Variants in DLG2 observed in about 807,000 individuals in gnomAD.
DLG2 encodes discs large MAGUK scaffold protein 2, also known as disks large homolog 2.
Under a neutral mutation model 132.5 loss-of-function variants are expected in DLG2, and 45 were observed. That is an observed-to-expected ratio of 0.34 (90% CI 0.27 to 0.44). DLG2 has a LOEUF of 0.44. Ranked by LOEUF, DLG2 falls within the 20% of genes least tolerant of loss-of-function variation. The probability of loss-of-function intolerance (pLI) is 1.00; values close to 1 mark genes in which losing one functional copy is unlikely to be tolerated. For synonymous variants in DLG2, 424 were observed against 419.6 expected, an observed-to-expected ratio of 1.01 and a Z score of -0.13; for missense variants, 1,045 against 1,196.9, an observed-to-expected ratio of 0.87 and a Z score of 1.87.
intron 11 of DLG2, among the ~76,000 whole-genome samples, chr11:84,050,160 T>G (rs551384910): frequency 0.012 from 1,855 of 151,450 alleles, 33 homozygotes; most frequent in African/African-American, 0.042. Context: ...AGACTTTTTT[T>G]TTTTTTTTTT....
chr11:85,570,619 T>G (rs1419246144), intron 3 of DLG2, among the ~76,000 whole-genome samples: 4 of 152,308 alleles, frequency 2.6e-5, no homozygotes, highest in Non-Finnish European at 5.9e-5. Flanking sequence ...GTTAATGGTT[T>G]GCATCAAATT....
intron 10 of DLG2, among the ~76,000 whole-genome samples, chr11:84,097,537 C>A (rs1325595363): frequency 1.3e-5 from 2 of 152,282 alleles, no homozygotes; most frequent in Admixed American, 1.3e-4. Context: ...CAATAACTCT[C>A]CTCCACTGCA....
At chr11:83,741,262 C>G (rs113088075) in intron 18 of DLG2, among the ~76,000 whole-genome samples, 8,600 of 152,164 alleles carry the variant, frequency 0.057, 833 homozygotes, top group African/African-American at 0.19. Flanking sequence ...GATGCCCACT[C>G]TCACCACTCC....
At chr11:84,153,119 A>G (rs1193163969) in intron 9 of DLG2, among the ~76,000 whole-genome samples, 1 of 152,174 alleles carries the variant, frequency 6.6e-6, no homozygotes, top group African/African-American at 2.4e-5. Flanking sequence ...CTGGATATGA[A>G]ATTCTTGGTT....
intron 12 of DLG2, among the ~76,000 whole-genome samples, chr11:83,976,104 G>T (rs1471592855): frequency 6.6e-6 from 1 of 151,766 alleles, no homozygotes; most frequent in African/African-American, 2.4e-5. Context: ...TGATTCAGGT[G>T]GTGCCCAACA....
chr11:85,282,079 T>C (rs1429352179), intron 4 of DLG2, among the ~76,000 whole-genome samples: 43 of 151,810 alleles, frequency 2.8e-4, no homozygotes, highest in Admixed American at 2.7e-3. Context: ...ATGGATGGAA[T>C]TGAAGGACAT....
chr11:85,425,642 G>GA (rs1386604255), intron 3 of DLG2, among the ~76,000 whole-genome samples: 1 of 151,906 alleles, frequency 6.6e-6, no homozygotes, highest in Non-Finnish European at 1.5e-5. Context: ...TTCTAAACAA[G>GA]AAAAAAATCG....
chr11:85,335,509 T>G (rs2082067387), intron 3 of DLG2, among the ~76,000 whole-genome samples: 1 of 152,232 alleles, frequency 6.6e-6, no homozygotes, highest in Non-Finnish European at 1.5e-5. Flanking sequence ...ATAGTCTCAA[T>G]GGACTATGTT....
chr11:84,488,447 C>T (rs74316471), intron 7 of DLG2, among the ~76,000 whole-genome samples: 1,653 of 152,172 alleles, frequency 0.011, 27 homozygotes, highest in African/African-American at 0.032. Flanking sequence ...GCCAACTGAG[C>T]CAAGTTAGCC....
At chr11:85,085,171 G>C (rs1462735277) in intron 6 of DLG2, among the ~76,000 whole-genome samples, 1 of 152,090 alleles carries the variant, frequency 6.6e-6, no homozygotes, top group Admixed American at 6.5e-5. Context: ...TGAGAAATAT[G>C]AGGTAGCATT....
At chr11:84,645,503 T>C (rs2099673617) in intron 6 of DLG2, among the ~76,000 whole-genome samples, 1 of 152,214 alleles carries the variant, frequency 6.6e-6, no homozygotes, top group African/African-American at 2.4e-5. Flanking sequence ...AGTCTCGCTC[T>C]GTCACCCAGG....
chr11:84,308,398 A>G (rs1599578059), intron 7 of DLG2, among the ~76,000 whole-genome samples: 1 of 152,174 alleles, frequency 6.6e-6, no homozygotes, highest in African/African-American at 2.4e-5. Context: ...TGAGCTAGAT[A>G]CATAGTGCCC....
chr11:84,531,548 G>C (rs1193580781), intron 7 of DLG2, among the ~76,000 whole-genome samples: 2 of 152,078 alleles, frequency 1.3e-5, no homozygotes, highest in Admixed American at 1.3e-4. Context: ...AACACCTCGA[G>C]AAGGTCATGA....
intron 15 of DLG2, among the ~76,000 whole-genome samples, chr11:83,881,016 G>A (rs190573217): frequency 1.6e-3 from 229 of 146,826 alleles, no homozygotes; most frequent in African/African-American, 5.6e-3. Flanking sequence ...TTAAGTTGGT[G>A]CAAAAGTAAT....
rs138369936 is a variant in DLG2 at position 83,683,005 on chromosome 11, C to T, written c.1826-49680G>A. On this transcript the variant is annotated intron_variant, in intron 18 of 27. Transcript: ENST00000376104. ...AGTGCCTTTCTATTCTACCATGCTGCCTCTGGAGCATGAAAGCCCAGCAAA... is the reference window on the plus strand; with the variant it reads ...AGTGCCTTTCTATTCTACCATGCTGTCTCTGGAGCATGAAAGCCCAGCAAA... Among the ~76,000 whole-genome samples the T allele has an allele frequency of 1.0e-3, 155 of 152,194 alleles. 1 individual carries two copies. Among genetic ancestry groups the T allele is most frequent in the South Asian group, 8.9e-3 (43 of 4,808 alleles).
rs563809265 is a variant in DLG2 at position 85,519,901 on chromosome 11, GCCTTTCA to G, written c.40+78749_40+78755del. 2.6e-4 allele frequency among the ~76,000 whole-genome samples: 40 copies of G among 152,164 alleles called. 1 individual carries two copies. Among genetic ancestry groups the G allele is most frequent in the Admixed American group, 1.0e-3 (16 of 15,260 alleles). On this transcript the variant is annotated intron_variant, in intron 3 of 27. Coordinates refer to ENST00000376104, the MANE Select transcript of DLG2 (RefSeq NM_001142699.3). ...TCTTGTCTGCCACCATGTGAAATGT[GCCTTTCA>G]CCTTCCACCATGATTGTGAGGCCTC...
intron 7 of DLG2, among the ~76,000 whole-genome samples, chr11:84,257,243 G>A (rs1437065293): frequency 3.9e-5 from 6 of 152,068 alleles, no homozygotes; most frequent in Non-Finnish European, 7.4e-5. Context: ...CCATTGGAAC[G>A]AAACTCTGTC....
chr11:85,536,825 C>T (rs1447336499), intron 3 of DLG2, among the ~76,000 whole-genome samples: 1 of 152,208 alleles, frequency 6.6e-6, no homozygotes, highest in African/African-American at 2.4e-5. Flanking sequence ...ATCTCTTTCT[C>T]GCTTCCCCTC....
chr11:84,598,003 A>G (rs79302551), intron 6 of DLG2, among the ~76,000 whole-genome samples: 1,699 of 152,336 alleles, frequency 0.011, 20 homozygotes, highest in Middle Eastern at 0.034. Context: ...TAAAACTCCA[A>G]TAAGGTAACT....
Sources: gnomAD v4.1 joint callset for allele counts (sites outside exome capture counted in the v4.1 genomes callset) on GRCh38, gnomAD v4.1.1 for gene constraint, MANE v1.5 for transcripts, NCBI Gene and HGNC (gene_info 2026-07-23, HGNC 2026-07-21) for gene names.